OFD1: variants seen among roughly 807,000 people sequenced by gnomAD.
OFD1 encodes the protein centriole and centriolar satellite protein OFD1.
OFD1 carries 12 observed loss-of-function variants against 81.4 expected under a neutral mutation model. The observed-to-expected ratio is 0.15, with a 90% CI of 0.09 to 0.24. The LOEUF (loss-of-function observed/expected upper bound fraction) is 0.24, where lower values mean the gene tolerates loss of function less well. OFD1 is among the 10% of genes least tolerant of loss of function. OFD1 has a pLI of 1.00. For missense variants in OFD1, 685 were observed against 733.9 expected (o/e 0.93, Z 0.77); for synonymous variants, 256 against 263.7 (o/e 0.97, Z 0.28).
At chrX:13,744,618 G>A (rs2047224898) in intron 6 of OFD1, 99 bp downstream of exon 6, 3 of 578,972 alleles carry the variant, frequency 5.2e-6, no homozygotes, top group South Asian at 4.8e-5. Context: ...TCCTTGAACT[G>A]GAGGGATGCA....
Position 13,755,138 on chromosome X carries a change from G to C in OFD1, c.1130-13G>C, listed in dbSNP as rs1408701141. 2.6e-6 allele frequency: 3 copies of C among 1,166,151 alleles called. No homozygotes were observed. Among genetic ancestry groups the C allele is most frequent in the Non-Finnish European group, 3.5e-6 (3 of 854,667 alleles). On this transcript the variant is annotated splice_polypyrimidine_tract_variant and intron_variant, in intron 11 of 22. Transcript: ENST00000340096. ...AAACATTATGGTGTTTAATTGGTGG[G>C]CTCTTTTTTCAGAAAAAGCTGTTCA...
chrX:13,729,677 G>C, the OFD1 span, among the ~76,000 whole-genome samples: 1 of 111,873 alleles, frequency 8.9e-6, no homozygotes, highest in Non-Finnish European at 1.9e-5. Flanking sequence ...GGGAGGCTGA[G>C]GTGGTCATAT....
At chrX:13,736,943 ATCTATCC>A (rs1190248797) in intron 3 of OFD1, among the ~76,000 whole-genome samples, 1 of 112,628 alleles carries the variant, frequency 8.9e-6, no homozygotes, top group African/African-American at 3.2e-5. Context: ...TAATTGATCT[ATCTATCC>A]TCTATCTTGT....
At chrX:13,730,953 G>A (rs772873462), upstream of OFD1, among the ~76,000 whole-genome samples, 53 of 110,106 alleles carry the variant, frequency 4.8e-4, no homozygotes, top group Non-Finnish European at 7.6e-4. Context: ...GCATTAGGAG[G>A]AATACCTAAT....
chrX:13,748,732 C>T (rs762447307), intron 8 of OFD1, among the ~76,000 whole-genome samples: 1 of 111,436 alleles, frequency 9.0e-6, no homozygotes, highest in Non-Finnish European at 1.9e-5. Context: ...CAGACGACAC[C>T]ACCACTAAAA....
At position 13,735,011 on chromosome X, in the gene OFD1, G is replaced by T. The variant is rs757800345; in HGVS notation, c.-61G>T. ...CGTCTTGGCCCCACCGCCCGGGCTG[G>T]GCACTAAACTCGGGCCGCGGCGGGG... is the stretch of plus-strand genomic sequence containing the variant. On this transcript the variant is annotated 5_prime_UTR_variant, in exon 1 of 23. Transcript: ENST00000340096. 8.5e-7 allele frequency: 1 copy of T among 1,173,250 alleles called. No individual in the cohort carries two copies. Among genetic ancestry groups the T allele is most frequent in the Non-Finnish European group, 1.1e-6 (1 of 879,576 alleles).
chrX:13,760,656 A>G lies in OFD1; in HGVS notation c.2196A>G (p.Arg732=). The G allele has an allele frequency of 2.5e-6, 3 of 1,211,231 alleles. No individual in the cohort carries two copies. Among genetic ancestry groups the G allele is most frequent in the Non-Finnish European group, 3.4e-6 (3 of 895,130 alleles). Residue 732 remains arginine, a synonymous_variant, in exon 16 of 23, where the codon AGA becomes AGG. Transcript: ENST00000340096. ...GGCTCCGCGGGGGCACTTCCTCCAG[A>G]CGCCTCTCTTCCACACCCCTTCCAA... The part of the protein sequence containing the change: ...ASRLRGGTSS[R]RLSSTPLPKA...
Position 13,756,766 on chromosome X carries a change from C to G in OFD1, c.1410C>G (p.Asn470Lys), listed in dbSNP as rs1404966766. 8.4e-7 allele frequency: 1 copy of G among 1,192,730 alleles called. No homozygotes were observed. The highest frequency in any genetic ancestry group is 1.7e-5 in the African/African-American group (1 of 57,470). The change falls in exon 13 of 23, where the codon AAC becomes AAG. Residue 470 changes from asparagine to lysine, a missense_variant and splice_region_variant. Transcript: ENST00000340096. ...GAAATGAAAACCTGCGTCTCCTAAA[C>G]CGTATGTATTTTTCTTTTCTTCTGA... Reference protein sequence around the residue: ...ESRNENLRLLNRLAQPAPELA... With the variant: ...ESRNENLRLLKRLAQPAPELA...
At chrX:13,736,232 G>A (rs189334149) in intron 2 of OFD1, 16 of 970,392 alleles carry the variant, frequency 1.6e-5, no homozygotes, top group Non-Finnish European at 3.9e-6. Flanking sequence ...CTAACCACCC[G>A]TTTCATTTGG....
chrX:13,722,438 G>A, the OFD1 span, among the ~76,000 whole-genome samples: 1 of 110,505 alleles, frequency 9.0e-6, no homozygotes, highest in African/African-American at 3.3e-5. Context: ...ATGAGACAGA[G>A]CTTTCTTTAT....
chrX:13,736,934 AATTG>A (rs2146915105), intron 3 of OFD1, among the ~76,000 whole-genome samples: 1 of 112,550 alleles, frequency 8.9e-6, no homozygotes, highest in Admixed American at 9.4e-5. Flanking sequence ...TCAGACCTAT[AATTG>A]ATCTATCTAT....
chrX:13,769,784 C>A (rs1364914575), downstream of OFD1, among the ~76,000 whole-genome samples: 1 of 111,821 alleles, frequency 8.9e-6, no homozygotes, highest in Non-Finnish European at 1.9e-5. Context: ...TTGATCCCCT[C>A]TGGAGAACAC....
At chrX:13,753,590 T>TA in intron 11 of OFD1, 149 bp downstream of exon 11, 1 of 528,977 alleles carries the variant, frequency 1.9e-6, no homozygotes, top group Non-Finnish European at 3.0e-6. Context: ...TTTAATTTTA[T>TA]AAATTAAAAA....
At chrX:13,739,968 G>C in intron 5 of OFD1, 1 of 893,602 alleles carries the variant, frequency 1.1e-6, no homozygotes, top group Non-Finnish European at 1.4e-6. Flanking sequence ...TTTTGTGTTG[G>C]TACACCCTTG....
At chrX:13,739,692 G>A (rs1401766248) in intron 5 of OFD1, 2 of 242,874 alleles carry the variant, frequency 8.2e-6, no homozygotes, top group African/African-American at 6.1e-5. Flanking sequence ...AGGTTGCGGT[G>A]AGCTGAGATC....
At chrX:13,736,805 C>T in intron 3 of OFD1, 127 bp downstream of exon 3, 1 of 503,059 alleles carries the variant, frequency 2.0e-6, no homozygotes, top group East Asian at 3.6e-5. Flanking sequence ...TTTGAATTCA[C>T]ATTGTACCTG....
chrX:13,734,542 C>G (rs1057515797), upstream of OFD1: 2 of 358,958 alleles, frequency 5.6e-6, no homozygotes, highest in Non-Finnish European at 7.9e-6. Flanking sequence ...GGGAGGCCGA[C>G]AACGGAAACG....
At chrX:13,733,903 C>T, upstream of OFD1, 1 of 422,894 alleles carries the variant, frequency 2.4e-6, no homozygotes, top group Admixed American at 3.3e-5. Flanking sequence ...TCAACCACCT[C>T]CCCTTTAAAC....
chrX:13,722,208 C>CCAAAAAAAAA, the OFD1 span: 2 of 36,116 alleles, frequency 5.5e-5, no homozygotes, highest in African/African-American at 2.4e-4. Flanking sequence ...TAAGCAGCAG[C>CCAAAAAAAAA]AAAAAAAAAA....
Sources: allele counts gnomAD v4.1 joint callset (sites outside exome capture counted in the v4.1 genomes callset), GRCh38; gene constraint gnomAD v4.1.1; transcripts MANE v1.5; gene names NCBI Gene and HGNC (gene_info 2026-07-23, HGNC 2026-07-21).